FOXN2: variants seen among roughly 807,000 people sequenced by gnomAD.
The protein encoded by FOXN2 is forkhead box N2.
A neutral mutation model predicts 41.2 loss-of-function variants in FOXN2; 19 were observed. The observed-to-expected ratio is 0.46, with a 90% CI of 0.32 to 0.68. The LOEUF (loss-of-function observed/expected upper bound fraction) is 0.68. Ranked by LOEUF, FOXN2 falls within the 30% of genes least tolerant of loss-of-function variation. The probability of loss-of-function intolerance (pLI) is 0.03; values close to 1 mark genes in which losing one functional copy is unlikely to be tolerated. For missense variants in FOXN2, 587 were observed against 509.4 expected, an observed-to-expected ratio of 1.15 and a Z score of -1.47; for synonymous variants, 195 against 176.8, an observed-to-expected ratio of 1.10 and a Z score of -0.82.
In FOXN2 at chr2:48,358,178, G is replaced by A. The variant is rs367588697; in HGVS notation, c.538-869G>A. Among the ~76,000 whole-genome samples, 60 of 144,158 alleles carry A rather than the reference G, an allele frequency of 4.2e-4. No homozygotes were observed. The East Asian group carries it at 1.0e-2, about 24-fold the overall frequency. The allele number at this position is 144,158 out of a possible 152,430, so 94.6% of individuals were successfully genotyped here. On this transcript the variant is annotated intron_variant, in intron 3 of 6. Transcript: ENST00000340553. ...ACTAATGTATTTTTTTCTTATTGTCGTTTTTTTTTCAAAATTCCCTCCTCG... is the reference window on the plus strand; with the variant it reads ...ACTAATGTATTTTTTTCTTATTGTCATTTTTTTTTCAAAATTCCCTCCTCG...
chr2:48,364,087 T>G (rs1672374462), intron 5 of FOXN2, among the ~76,000 whole-genome samples: 1 of 152,188 alleles, frequency 6.6e-6, no homozygotes, highest in Non-Finnish European at 1.5e-5. Context: ...AGATAAAAAT[T>G]TGGGATATTT....
chr2:48,350,741 G>A (rs1443054744), intron 3 of FOXN2, among the ~76,000 whole-genome samples: 2 of 152,192 alleles, frequency 1.3e-5, no homozygotes, highest in Non-Finnish European at 2.9e-5. Context: ...ACCAGATGGA[G>A]GCCAGTGGAA....
chr2:48,361,338 C>T (rs911062487), intron 4 of FOXN2, among the ~76,000 whole-genome samples: 5 of 151,780 alleles, frequency 3.3e-5, no homozygotes, highest in African/African-American at 7.3e-5. Flanking sequence ...TGGTGGCACG[C>T]GCCTGTAACC....
chr2:48,344,840 ACCCC>A (rs35784840), intron 2 of FOXN2, among the ~76,000 whole-genome samples: 3 of 129,236 alleles, frequency 2.3e-5, no homozygotes, highest in African/African-American at 5.9e-5. Context: ...CTCTGGAGGT[ACCCC>A]CCCCCCCCAA....
chr2:48,346,720 G>A lies in FOXN2; in HGVS notation c.506G>A (p.Cys169Tyr), dbSNP rs1221488475. ...CGACATAATCTGTCCCTGAATAAAT[G>A]TTTTCAGAAAGTGGAAAGAAGCCAT... Reference protein sequence around the residue: ...SVRHNLSLNKCFQKVERSHGK... With the variant: ...SVRHNLSLNKYFQKVERSHGK... Residue 169 changes from cysteine to tyrosine, a missense_variant, in exon 3 of 7, where the codon TGT becomes TAT. Coordinates refer to ENST00000340553, the MANE Select transcript of FOXN2 (RefSeq NM_002158.4). The A allele has an allele frequency of 6.3e-7, 1 of 1,596,650 alleles. No homozygotes were observed. The highest frequency in any genetic ancestry group is 1.1e-5 in the South Asian group (1 of 88,560).
chr2:48,378,776 T>C lies in FOXN2; in HGVS notation c.*3333T>C, dbSNP rs1673399531. 6.6e-6 allele frequency: 1 copy of C among 152,454 alleles called. No homozygotes were observed. The highest frequency in any genetic ancestry group is 2.4e-5 in the African/African-American group (1 of 41,422). 9.4% of individuals were successfully genotyped at this position (152,454 alleles called of 1,614,324 possible). ...GTTAATGATGTAGTAAAAATATTTA[T>C]TGAAAGGTGAATTCGAGTATTTTAA... On this transcript the variant is annotated 3_prime_UTR_variant, in exon 7 of 7. Transcript: ENST00000340553.
chr2:48,314,748 A>G lies in FOXN2; in HGVS notation c.-223A>G, dbSNP rs772078798. ...AGGCGACTGCTGGAAGCTGCAGGGA[A>G]CAGCTGCGGTGCTCTGCCATATTGT... On this transcript the variant is annotated 5_prime_UTR_variant, in exon 1 of 7. Coordinates refer to ENST00000340553, the MANE Select transcript of FOXN2 (RefSeq NM_002158.4). 3 of 152,282 alleles carry G rather than the reference A, an allele frequency of 2.0e-5. No homozygotes were observed. Among genetic ancestry groups the G allele is most frequent in the Admixed American group, 1.3e-4 (2 of 15,288 alleles). The allele number at this position is 152,282 out of a possible 1,614,324, so 9.4% of individuals were successfully genotyped here.
At chr2:48,315,873 C>A (rs906875692) in intron 1 of FOXN2, among the ~76,000 whole-genome samples, 1 of 152,206 alleles carries the variant, frequency 6.6e-6, no homozygotes, top group Admixed American at 6.5e-5. Context: ...TTCATTTTCT[C>A]CCTACTGGGA....
At chr2:48,354,977 A>G (rs1252824718) in intron 3 of FOXN2, among the ~76,000 whole-genome samples, 2 of 152,218 alleles carry the variant, frequency 1.3e-5, no homozygotes, top group African/African-American at 4.8e-5. Flanking sequence ...ATAGGAGTAC[A>G]TTAATATGAC....
Position 48,339,597 on chromosome 2 carries a change from C to T in FOXN2, c.-14-6604C>T, listed in dbSNP as rs566963987. On this transcript the variant is annotated intron_variant, in intron 2 of 6. Coordinates refer to ENST00000340553, the MANE Select transcript of FOXN2 (RefSeq NM_002158.4). ...CTAGCAGTGTAGAAACGGACTAATA[C>T]AGTAGTCATCAGATTGGCAAAAACA... Among the ~76,000 whole-genome samples the T allele has an allele frequency of 2.6e-5, 4 of 152,250 alleles. No homozygotes were observed. In the East Asian group the frequency reaches 7.7e-4, roughly 29 times the overall value.
intron 1 of FOXN2, among the ~76,000 whole-genome samples, chr2:48,327,153 C>G (rs993819811): frequency 6.6e-6 from 1 of 151,884 alleles, no homozygotes; most frequent in Non-Finnish European, 1.5e-5. Flanking sequence ...TTGGATATCT[C>G]ACAAATGTCT....
intron 5 of FOXN2, among the ~76,000 whole-genome samples, chr2:48,371,784 A>G (rs1672909789): frequency 1.3e-5 from 2 of 151,744 alleles, no homozygotes; most frequent in Non-Finnish European, 1.5e-5. Context: ...TTTTAATTTT[A>G]TTTTTTGTAG....
In FOXN2 at chr2:48,348,312, A is replaced by T. The variant is rs1671242729; in HGVS notation, c.537+1561A>T. On this transcript the variant is annotated intron_variant, in intron 3 of 6. Transcript: ENST00000340553. ...TTCACCGTTTTTCTTTGTTGTGTTCATTCTGCTGATAAGCCCCAATGAAGG... is the reference window on the plus strand; with the variant it reads ...TTCACCGTTTTTCTTTGTTGTGTTCTTTCTGCTGATAAGCCCCAATGAAGG... 2.0e-5 allele frequency among the ~76,000 whole-genome samples: 3 copies of T among 151,608 alleles called. No individual in the cohort carries two copies. The South Asian group carries it at 6.3e-4, about 32-fold the overall frequency.
chr2:48,328,867 G>A (rs1369837941), intron 2 of FOXN2, among the ~76,000 whole-genome samples, 165 bp downstream of exon 2: 7 of 151,844 alleles, frequency 4.6e-5, no homozygotes, highest in Non-Finnish European at 8.8e-5. Flanking sequence ...GAGCTGTAGT[G>A]GTTCTTTTCT....
chr2:48,330,059 A>T lies in FOXN2; in HGVS notation c.-15+1357A>T, dbSNP rs572736991. On this transcript the variant is annotated intron_variant, in intron 2 of 6. Transcript: ENST00000340553. ...AACCAACCTTAATTACCAAGAAAAA[A>T]AAATAAATAAATAAAAAATTGTTTT... is the stretch of plus-strand genomic sequence containing the variant. Among the ~76,000 whole-genome samples the T allele has an allele frequency of 2.0e-3, 309 of 152,246 alleles. 1 individual carries two copies. Among genetic ancestry groups the T allele is most frequent in the African/African-American group, 3.7e-3 (155 of 41,578 alleles).
rs530904709 is a variant in FOXN2, at chr2:48,322,949, A to G, written c.-156-5612A>G. Among the ~76,000 whole-genome samples, 20 of 150,996 alleles carry G rather than the reference A, an allele frequency of 1.3e-4. No homozygotes were observed. The East Asian group carries it at 3.9e-3, about 29-fold the overall frequency. ...AACTTTGTGTGGGATTCAATCTCTT[A>G]AAAGTATGAATGCTTTCATTTATAC... On this transcript the variant is annotated intron_variant, in intron 1 of 6. Coordinates refer to ENST00000340553, the MANE Select transcript of FOXN2 (RefSeq NM_002158.4).
intron 2 of FOXN2, among the ~76,000 whole-genome samples, chr2:48,343,798 C>T (rs959537072): frequency 3.3e-5 from 5 of 150,816 alleles, no homozygotes; most frequent in Admixed American, 2.0e-4. Flanking sequence ...TCATGGAATT[C>T]ACAGTTGGAA....
intron 4 of FOXN2, among the ~76,000 whole-genome samples, chr2:48,360,419 C>T (rs995604520): frequency 2.6e-5 from 4 of 152,052 alleles, no homozygotes; most frequent in Non-Finnish European, 5.9e-5. Flanking sequence ...CAATCATCAA[C>T]GTTTCATATA....
At chr2:48,317,595 C>CTTTTT (rs574980247) in intron 1 of FOXN2, among the ~76,000 whole-genome samples, 1,144 of 34,762 alleles carry the variant, frequency 0.033, 383 homozygotes, top group Middle Eastern at 0.067. Context: ...TATAGTATTG[C>CTTTTT]TTTTTTTTTT....
Sources: allele counts gnomAD v4.1 joint callset (sites outside exome capture counted in the v4.1 genomes callset), GRCh38; gene constraint gnomAD v4.1.1; transcripts MANE v1.5; gene names NCBI Gene and HGNC (gene_info 2026-07-23, HGNC 2026-07-21).